NOL9: variants seen among roughly 807,000 people sequenced by gnomAD.
NOL9 encodes nucleolar protein 9.
In NOL9, 28 loss-of-function variants were observed where a neutral mutation model predicts 67.9. The observed-to-expected ratio is 0.41, with a 90% CI of 0.31 to 0.57. The LOEUF (loss-of-function observed/expected upper bound fraction) is 0.57. Ranked by LOEUF, NOL9 falls within the 20% of genes least tolerant of loss-of-function variation. The probability of loss-of-function intolerance (pLI) is 0.25; values close to 1 mark genes in which losing one functional copy is unlikely to be tolerated. For synonymous variants in NOL9, 356 were observed against 352.2 expected (o/e 1.01, Z -0.12); for missense variants, 777 against 897.0 (o/e 0.87, Z 1.71).
intron 3 of NOL9, chr1:6,548,201 G>A (rs1314724343): frequency 6.9e-6 from 1 of 144,094 alleles, no homozygotes; most frequent in Admixed American, 7.7e-5. Context: ...GCTGGAGTGT[G>A]CAGTGGCGCA....
Position 6,554,227 on chromosome 1 carries a change from G to T in NOL9, c.276C>A (p.Ala92=). ...TPSPIPSPTP[A]SEPESEPELE... ...GTTCGGGTTCGGACTCGGGTTCGGA[G>T]GCCGGGGTCGGGCTAGGGATCGGGC... The change falls in exon 1 of 12, where the codon GCC becomes GCA. Residue 92 remains alanine, a synonymous_variant. Transcript: ENST00000377705. 1 of 1,513,668 alleles carries T rather than the reference G, an allele frequency of 6.6e-7. No homozygotes were observed. The highest frequency in any genetic ancestry group is 8.8e-7 in the Non-Finnish European group (1 of 1,130,314). 93.8% of individuals were successfully genotyped at this position (1,513,668 alleles called of 1,614,324 possible). A position where few individuals can be genotyped will look rare whatever the true frequency, so the allele number is the denominator to read the frequency against.
chr1:6,533,839 G>A (rs1639088341), intron 6 of NOL9, among the ~76,000 whole-genome samples: 2 of 151,500 alleles, frequency 1.3e-5, no homozygotes, highest in African/African-American at 4.9e-5. Context: ...TAGCAATACA[G>A]CAATGACTCT....
At chr1:6,527,539 C>T (rs956700499) in intron 10 of NOL9, among the ~76,000 whole-genome samples, 3 of 151,448 alleles carry the variant, frequency 2.0e-5, no homozygotes, top group African/African-American at 7.3e-5. Context: ...CCCAGCTACT[C>T]GGGAGTCTGA....
At chr1:6,537,786 T>C (rs571572432) in intron 6 of NOL9, among the ~76,000 whole-genome samples, 13 of 152,216 alleles carry the variant, frequency 8.5e-5, no homozygotes, top group Non-Finnish European at 1.8e-4. Context: ...CCTTACACTA[T>C]ATGAAAATAT....
rs1638963311 is a variant in NOL9 at position 6,529,229 on chromosome 1, T to TGG, written c.1648-59_1648-58insCC. On this transcript the variant is annotated intron_variant, in intron 9 of 11. Coordinates refer to ENST00000377705, the MANE Select transcript of NOL9 (RefSeq NM_024654.5). ...TGGCTACTTTGAAAGACCACTTAAT[T>TGG]TCTACAACTAGATTAACCAGCTATC... 17 of 1,461,084 alleles carry TGG rather than the reference T, an allele frequency of 1.2e-5. No individual in the cohort carries two copies. In the African/African-American group the frequency reaches 2.4e-4, roughly 20 times the overall value. 90.5% of individuals were successfully genotyped at this position (1,461,084 alleles called of 1,614,324 possible).
rs373349987 is a variant in NOL9 at position 6,541,816 on chromosome 1, T to C, written c.1075+14A>G. On this transcript the variant is annotated intron_variant, in intron 6 of 11. Transcript: ENST00000377705. ...TCATAAAACCAAGACATTTGAGAAA[T>C]ATGTAATACATACCCAGAACTGGTT... 2.7e-5 allele frequency: 39 copies of C among 1,466,176 alleles called. No homozygotes were observed. In the African/African-American group the frequency reaches 4.6e-4, roughly 17 times the overall value. 90.8% of individuals were successfully genotyped at this position (1,466,176 alleles called of 1,614,324 possible). A position where few individuals can be genotyped will look rare whatever the true frequency, so the allele number is the denominator to read the frequency against.
chr1:6,550,341 T>C, intron 2 of NOL9, 55 bp downstream of exon 2: 5 of 1,512,026 alleles, frequency 3.3e-6, no homozygotes, highest in Non-Finnish European at 4.6e-6. Flanking sequence ...CTAAAAATTA[T>C]GAATTAGCCT....
intron 1 of NOL9, 141 bp downstream of exon 1, chr1:6,553,966 C>CA (rs1639605709): frequency 3.1e-6 from 2 of 647,304 alleles, no homozygotes; most frequent in South Asian, 4.3e-5. Flanking sequence ...CACCAACCAT[C>CA]AAGAGGATGG....
intron 5 of NOL9, among the ~76,000 whole-genome samples, chr1:6,543,386 G>A (rs144725696): frequency 0.01 from 1,563 of 152,156 alleles, 28 homozygotes; most frequent in African/African-American, 0.036. Flanking sequence ...TAGTAGAGAC[G>A]GGGTTTCCCC....
chr1:6,550,674 T>G, intron 1 of NOL9, 59 bp from the exon 2 acceptor site: 1 of 1,165,702 alleles, frequency 8.6e-7, no homozygotes. Flanking sequence ...GACTGAAACA[T>G]TCTAAAATCT....
chr1:6,541,966 A>G, intron 5 of NOL9, 39 bp from the exon 6 acceptor site: 1 of 1,335,836 alleles, frequency 7.5e-7, no homozygotes, highest in Non-Finnish European at 1.1e-6. Context: ...AGAAAATCCT[A>G]ACTAGCTTTA....
intron 6 of NOL9, among the ~76,000 whole-genome samples, chr1:6,539,529 G>C (rs1639229287): frequency 6.6e-6 from 1 of 152,134 alleles, no homozygotes; most frequent in South Asian, 2.1e-4. Context: ...TTGTCACCCA[G>C]GCTGGAGTGT....
rs1638891831 is a variant in NOL9, at chr1:6,526,684, G to T, written c.1959+12C>A. The T allele has an allele frequency of 3.7e-6, 6 of 1,606,170 alleles. No homozygotes were observed. In the African/African-American group the frequency reaches 4.0e-5, roughly 11 times the overall value. ...AGGCTCCTTCCAGGGCTGTGCCCGG[G>T]GGAAGGCTCACCTGGCACTTAAGGA... On this transcript the variant is annotated intron_variant, in intron 11 of 11. Coordinates refer to ENST00000377705, the MANE Select transcript of NOL9 (RefSeq NM_024654.5).
intron 5 of NOL9, among the ~76,000 whole-genome samples, chr1:6,543,843 A>G (rs1639355608): frequency 6.6e-6 from 1 of 152,074 alleles, no homozygotes; most frequent in African/African-American, 2.4e-5. Context: ...AATTAGCCAG[A>G]GGCCGGGCAT....
At chr1:6,542,162 GATTTT>G (rs1256261661) in intron 5 of NOL9, among the ~76,000 whole-genome samples, 4 of 40,292 alleles carry the variant, frequency 9.9e-5, no homozygotes, top group African/African-American at 2.9e-4. Context: ...TGCTCTTTCA[GATTTT>G]TTTTTTTTTT....
At chr1:6,537,202 G>C (rs1557787112) in intron 6 of NOL9, among the ~76,000 whole-genome samples, 1 of 151,750 alleles carries the variant, frequency 6.6e-6, no homozygotes, top group Non-Finnish European at 1.5e-5. Flanking sequence ...GGGAGAAGAA[G>C]GATACTAGAT....
intron 5 of NOL9, among the ~76,000 whole-genome samples, chr1:6,544,189 G>A (rs1293409190): frequency 6.6e-6 from 1 of 151,660 alleles, no homozygotes; most frequent in African/African-American, 2.4e-5. Flanking sequence ...AGGCTGAAGT[G>A]GGAGGACTGC....
At chr1:6,547,331 C>A (rs1015739386) in intron 3 of NOL9, among the ~76,000 whole-genome samples, 3 of 152,064 alleles carry the variant, frequency 2.0e-5, no homozygotes, top group African/African-American at 7.2e-5. Context: ...GAAACCCACT[C>A]CTCCTGCAGT....
At chr1:6,541,697 T>C (rs1639295328) in intron 6 of NOL9, 133 bp downstream of exon 6, 1 of 442,042 alleles carries the variant, frequency 2.3e-6, no homozygotes, top group Non-Finnish European at 3.9e-6. Flanking sequence ...GAACAAGTTA[T>C]GGAAAGACCA....
Sources: allele counts gnomAD v4.1 joint callset (sites outside exome capture counted in the v4.1 genomes callset), GRCh38; gene constraint gnomAD v4.1.1; transcripts MANE v1.5; gene names NCBI Gene and HGNC (gene_info 2026-07-23, HGNC 2026-07-21).